The following GRIN2B variants were observed in gnomAD, a reference collection of about 807,000 sequenced individuals.
GRIN2B encodes the protein glutamate ionotropic receptor NMDA type subunit 2B.
In GRIN2B, 5 loss-of-function variants were observed where a neutral mutation model predicts 114.5. That is an observed-to-expected ratio of 0.04 (90% CI 0.02 to 0.09). The LOEUF (loss-of-function observed/expected upper bound fraction) is 0.09, where lower values mean the gene tolerates loss of function less well. Ranked by LOEUF, GRIN2B falls within the 10% of genes least tolerant of loss-of-function variation. The probability of loss-of-function intolerance (pLI) is 1.00; values close to 1 mark genes in which losing one functional copy is unlikely to be tolerated. For synonymous variants in GRIN2B, 787 were observed against 745.1 expected (o/e 1.06, Z -0.92); for missense variants, 1,108 against 1,943.5 (o/e 0.57, Z 8.08).
At chr12:13,919,038 A>G (rs1431143086) in intron 2 of GRIN2B, among the ~76,000 whole-genome samples, 2 of 152,244 alleles carry the variant, frequency 1.3e-5, no homozygotes, top group African/African-American at 4.8e-5. Context: ...ATAGAGATTC[A>G]CACCCCTTTC....
At chr12:13,728,225 C>CA (rs1388180367) in intron 4 of GRIN2B, among the ~76,000 whole-genome samples, 1 of 152,198 alleles carries the variant, frequency 6.6e-6, no homozygotes, top group African/African-American at 2.4e-5. Context: ...GCCCACGACT[C>CA]AGATTCATGC....
At chr12:13,607,990 G>A (rs1313439576) in intron 10 of GRIN2B, among the ~76,000 whole-genome samples, 2 of 149,328 alleles carry the variant, frequency 1.3e-5, no homozygotes, top group Non-Finnish European at 3.0e-5. Flanking sequence ...ATGGAAAACA[G>A]CAGACACTTT....
At chr12:13,788,210 T>C (rs1014525121) in intron 3 of GRIN2B, among the ~76,000 whole-genome samples, 1 of 152,190 alleles carries the variant, frequency 6.6e-6, no homozygotes, top group Non-Finnish European at 1.5e-5. Flanking sequence ...TTATGTGTGA[T>C]GAAGCTTTCC....
chr12:13,739,851 G>A (rs766560302), intron 4 of GRIN2B, among the ~76,000 whole-genome samples: 1 of 152,178 alleles, frequency 6.6e-6, no homozygotes, highest in African/African-American at 2.4e-5. Flanking sequence ...TCACATCAAA[G>A]GGAAAAGGAA....
chr12:13,771,360 T>TA (rs1863905181), intron 3 of GRIN2B, among the ~76,000 whole-genome samples: 1 of 152,118 alleles, frequency 6.6e-6, no homozygotes, highest in Non-Finnish European at 1.5e-5. Context: ...GACAATACAG[T>TA]AAAAAACTAA....
At chr12:13,588,521 G>A (rs1392088199) in intron 10 of GRIN2B, among the ~76,000 whole-genome samples, 1 of 152,176 alleles carries the variant, frequency 6.6e-6, no homozygotes, top group African/African-American at 2.4e-5. Flanking sequence ...AGTCTGGCCT[G>A]ACAAAAGAAG....
intron 4 of GRIN2B, among the ~76,000 whole-genome samples, chr12:13,718,723 T>C (rs1330239071): frequency 6.6e-5 from 10 of 152,012 alleles, no homozygotes; most frequent in Non-Finnish European, 1.2e-4. Context: ...TCACCTAAGG[T>C]TGAACTTAGT....
rs138705902 is a variant in GRIN2B at position 13,829,737 on chromosome 12, T to C, written c.411+36061A>G. Among the ~76,000 whole-genome samples the C allele has an allele frequency of 8.5e-3, 1,290 of 152,346 alleles. 19 individuals are homozygous for C. Among genetic ancestry groups the C allele is most frequent in the African/African-American group, 0.03 (1,261 of 41,586 alleles). Reference sequence around the variant, plus strand: ...TCCACCTGTTTAGGTTCAGAAAACCTTTCTTTTCCTTTCTCAGATGAAGAT... The same window carrying C: ...TCCACCTGTTTAGGTTCAGAAAACCCTTCTTTTCCTTTCTCAGATGAAGAT... On this transcript the variant is annotated intron_variant, in intron 3 of 13. Transcript: ENST00000609686.
chr12:13,540,100 C>A lies in GRIN2B; in HGVS notation c.*22683G>T, dbSNP rs533016416. ...AAACAGATCCCAACCCAAGTAGATTCGCCAGTCCAAGACTCCTACCAACAA... is the reference window on the plus strand; with the variant it reads ...AAACAGATCCCAACCCAAGTAGATTAGCCAGTCCAAGACTCCTACCAACAA... On this transcript the variant is annotated 3_prime_UTR_variant, in exon 14 of 14. Transcript: ENST00000609686. 9 of 152,162 alleles carry A rather than the reference C, an allele frequency of 5.9e-5. No homozygotes were observed. The highest frequency in any genetic ancestry group is 2.2e-4 in the African/African-American group (9 of 41,432). 9.4% of individuals were successfully genotyped at this position (152,162 alleles called of 1,614,324 possible). A position where few individuals can be genotyped will look rare whatever the true frequency, so the allele number is the denominator to read the frequency against.
In GRIN2B at chr12:13,563,665, G is replaced by A. The variant is rs1360698391; in HGVS notation, c.3573C>T (p.Ser1191=). 3.7e-6 allele frequency: 6 copies of A among 1,613,400 alleles called. No homozygotes were observed. Among genetic ancestry groups the A allele is most frequent in the African/African-American group, 2.7e-5 (2 of 74,938 alleles). The change falls in exon 14 of 14, where the codon AGC becomes AGT. Residue 1191 remains serine, a synonymous_variant. Coordinates refer to ENST00000609686, the MANE Select transcript of GRIN2B (RefSeq NM_000834.5). ...HGTGDKHGVV[S]GVPAPWEKNL... is the part of the protein sequence containing the mutation. ...TCTTCTCCCAAGGTGCAGGTACCCC[G>A]CTGACCACGCCGTGTTTGTCGCCCG...
chr12:13,952,845 A>T (rs182114039), intron 2 of GRIN2B, among the ~76,000 whole-genome samples: 218 of 151,990 alleles, frequency 1.4e-3, no homozygotes, highest in African/African-American at 5.2e-3. Flanking sequence ...ATAATTATGT[A>T]CTAAATAAAC....
chr12:13,899,230 T>C (rs1476821347), intron 2 of GRIN2B, among the ~76,000 whole-genome samples: 3 of 152,080 alleles, frequency 2.0e-5, no homozygotes, highest in Non-Finnish European at 4.4e-5. Context: ...CCCTATTGTT[T>C]TGAAGTCAAA....
intron 3 of GRIN2B, among the ~76,000 whole-genome samples, chr12:13,849,865 A>G (rs1425233046): frequency 2.0e-5 from 3 of 152,158 alleles, no homozygotes; most frequent in African/African-American, 7.2e-5. Context: ...AAGGGCTTGC[A>G]CACTGTGTGA....
At chr12:13,639,882 T>C (rs1949698450) in intron 5 of GRIN2B, among the ~76,000 whole-genome samples, 1 of 152,178 alleles carries the variant, frequency 6.6e-6, no homozygotes, top group Admixed American at 6.5e-5. Context: ...TCCCATGTTC[T>C]TTTCTTTCAC....
intron 3 of GRIN2B, among the ~76,000 whole-genome samples, chr12:13,769,323 T>C (rs1429574542): frequency 1.3e-5 from 2 of 151,852 alleles, no homozygotes; most frequent in African/African-American, 2.4e-5. Flanking sequence ...TTATTTCCCA[T>C]TCTGTTTTCA....
At chr12:13,674,690 G>T (rs1430696583) in intron 5 of GRIN2B, among the ~76,000 whole-genome samples, 2 of 152,142 alleles carry the variant, frequency 1.3e-5, no homozygotes, top group South Asian at 2.1e-4. Flanking sequence ...TCAGCCAATT[G>T]GTCCATGGAA....
chr12:13,872,576 T>C (rs1375256922), intron 2 of GRIN2B, among the ~76,000 whole-genome samples: 4 of 152,246 alleles, frequency 2.6e-5, no homozygotes, highest in African/African-American at 9.7e-5. Flanking sequence ...TCAGAATATG[T>C]ATCAAAATAA....
chr12:13,934,673 C>CTGCTCTGGTACTCTTCT (rs1867096894), intron 2 of GRIN2B, among the ~76,000 whole-genome samples: 5 of 151,566 alleles, frequency 3.3e-5, no homozygotes, highest in African/African-American at 1.2e-4. Context: ...ATCTGGCCAT[C>CTGCTCTGGTACTCTTCT]ACGTACAACT....
At chr12:13,672,828 C>T (rs886119731) in intron 5 of GRIN2B, among the ~76,000 whole-genome samples, 2 of 150,842 alleles carry the variant, frequency 1.3e-5, no homozygotes, top group South Asian at 2.1e-4. Flanking sequence ...TACAAAAATT[C>T]AATCTACACA....
Sources: allele counts gnomAD v4.1 joint callset (sites outside exome capture counted in the v4.1 genomes callset), GRCh38; gene constraint gnomAD v4.1.1; transcripts MANE v1.5; gene names NCBI Gene and HGNC (gene_info 2026-07-23, HGNC 2026-07-21).